SLC8A1: variants seen among roughly 807,000 people sequenced by gnomAD.
SLC8A1 encodes the protein sodium/calcium exchanger 1.
SLC8A1 carries 18 observed loss-of-function variants against 68.3 expected under a neutral mutation model. The ratio of observed to expected loss-of-function variants is 0.26; its 90% confidence interval spans 0.18 to 0.39. The LOEUF is 0.39. SLC8A1 is among the 10% of genes least tolerant of loss of function. The pLI is 1.00. For missense variants in SLC8A1, 985 were observed against 1,156.7 expected (o/e 0.85, Z 2.15); for synonymous variants, 475 against 415.5 (o/e 1.14, Z -1.74).
chr2:40,320,044 C>T (rs771331726), intron 2 of SLC8A1, among the ~76,000 whole-genome samples: 7 of 152,078 alleles, frequency 4.6e-5, no homozygotes, highest in Non-Finnish European at 1.0e-4. Context: ...AAGGGCACAA[C>T]AATTTAAGAG....
intron 2 of SLC8A1, among the ~76,000 whole-genome samples, chr2:40,308,917 G>A (rs1458341911): frequency 6.6e-6 from 1 of 152,206 alleles, no homozygotes; most frequent in Non-Finnish European, 1.5e-5. Context: ...CTGGGGAGGA[G>A]TGGAAGAAAT....
chr2:40,504,369 T>G (rs543399349), intron 1 of SLC8A1, among the ~76,000 whole-genome samples: 5 of 152,112 alleles, frequency 3.3e-5, no homozygotes, highest in Admixed American at 1.3e-4. Context: ...AAGAAAACCT[T>G]GAAGAACATC....
chr2:40,447,122 G>A (rs1701589168), intron 1 of SLC8A1, among the ~76,000 whole-genome samples: 1 of 152,066 alleles, frequency 6.6e-6, no homozygotes, highest in Non-Finnish European at 1.5e-5. Flanking sequence ...TTTACATCTA[G>A]TTTCCTAGAT....
intron 6 of SLC8A1, among the ~76,000 whole-genome samples, chr2:40,154,299 C>CTTTTTT (rs57350879): frequency 4.0e-5 from 3 of 74,934 alleles, no homozygotes; most frequent in East Asian, 9.0e-4. Flanking sequence ...TTTATTTATT[C>CTTTTTT]TTTTTTTTTT....
At chr2:40,396,247 C>T (rs1160103706) in intron 2 of SLC8A1, among the ~76,000 whole-genome samples, 2 of 152,028 alleles carry the variant, frequency 1.3e-5, no homozygotes, top group Non-Finnish European at 2.9e-5. Context: ...CCATTCTTCC[C>T]CTTTAAATCC....
chr2:40,170,915 A>G (rs1048784798), intron 4 of SLC8A1, among the ~76,000 whole-genome samples: 2 of 152,182 alleles, frequency 1.3e-5, no homozygotes, highest in Admixed American at 6.5e-5. Context: ...AGACAGGCAG[A>G]ATGTTATGTA....
intron 2 of SLC8A1, among the ~76,000 whole-genome samples, chr2:40,306,752 T>C (rs923586408): frequency 6.6e-5 from 10 of 152,158 alleles, no homozygotes; most frequent in Non-Finnish European, 1.5e-5. Context: ...TCAGCAGATC[T>C]GAAGTCAAGG....
At chr2:40,259,110 T>C (rs987338504) in intron 2 of SLC8A1, among the ~76,000 whole-genome samples, 1 of 152,160 alleles carries the variant, frequency 6.6e-6, no homozygotes, top group African/African-American at 2.4e-5. Flanking sequence ...ATAGGCAGTC[T>C]CCAACGTAGA....
intron 2 of SLC8A1, among the ~76,000 whole-genome samples, chr2:40,221,972 C>G (rs977114921): frequency 1.1e-4 from 16 of 152,076 alleles, no homozygotes; most frequent in Non-Finnish European, 2.2e-4. Flanking sequence ...TCAATGCTAT[C>G]CCCATCAAGC....
chr2:40,488,825 T>C (rs1261782325), intron 1 of SLC8A1, among the ~76,000 whole-genome samples: 1 of 152,122 alleles, frequency 6.6e-6, no homozygotes, highest in African/African-American at 2.4e-5. Flanking sequence ...AATATCTTTA[T>C]TGAAATAGTT....
intron 2 of SLC8A1, among the ~76,000 whole-genome samples, chr2:40,334,932 C>T (rs1401590359): frequency 6.6e-6 from 1 of 152,192 alleles, no homozygotes; most frequent in African/African-American, 2.4e-5. Context: ...CTACCACTGT[C>T]CTTGTCTTCC....
At chr2:40,363,476 T>G (rs1195604020) in intron 2 of SLC8A1, among the ~76,000 whole-genome samples, 1 of 152,028 alleles carries the variant, frequency 6.6e-6, no homozygotes, top group African/African-American at 2.4e-5. Flanking sequence ...TTGTGAAGAT[T>G]AGAGATGATC....
chr2:40,430,206 G>A (rs1297957975), exon 2 of SLC8A1: 1 of 1,613,650 alleles, frequency 6.2e-7, no homozygotes. Flanking sequence ...GGGAAAATAA[G>A]AGACTCACAG....
chr2:40,213,939 A>G (rs2057037585), intron 2 of SLC8A1, among the ~76,000 whole-genome samples: 1 of 152,188 alleles, frequency 6.6e-6, no homozygotes, highest in African/African-American at 2.4e-5. Context: ...CAGTAACCAC[A>G]CCACCTTTCA....
Position 40,184,763 on chromosome 2 carries a change from C to T in SLC8A1, c.1809-6908G>A, listed in dbSNP as rs373609518. Reference sequence around the variant, plus strand: ...AATCCCAGACTCCAGAAAGACCTGACCCAGGACTGACCACGCATGAACCTG... The same window carrying T: ...AATCCCAGACTCCAGAAAGACCTGATCCAGGACTGACCACGCATGAACCTG... On this transcript the variant is annotated intron_variant, in intron 2 of 7. Coordinates refer to ENST00000406785, the Ensembl canonical transcript of SLC8A1. Among the ~76,000 whole-genome samples, 4 of 152,084 alleles carry T rather than the reference C, an allele frequency of 2.6e-5. No homozygotes were observed. The South Asian group carries it at 6.2e-4, about 24-fold the overall frequency.
At chr2:40,288,001 T>C (rs2068622636) in intron 2 of SLC8A1, among the ~76,000 whole-genome samples, 1 of 152,074 alleles carries the variant, frequency 6.6e-6, no homozygotes, top group African/African-American at 2.4e-5. Flanking sequence ...TGAAAGCAGC[T>C]CCTGGTCCTT....
At chr2:40,357,509 A>AAAC (rs1559371681) in intron 2 of SLC8A1, among the ~76,000 whole-genome samples, 4 of 150,902 alleles carry the variant, frequency 2.7e-5, no homozygotes, top group African/African-American at 7.4e-5. Flanking sequence ...AAAAAAAAAA[A>AAAC]AAAAAAAACA....
chr2:40,353,651 C>A (rs966041632), intron 2 of SLC8A1, among the ~76,000 whole-genome samples: 1 of 152,170 alleles, frequency 6.6e-6, no homozygotes, highest in Non-Finnish European at 1.5e-5. Context: ...TAAGAGATAA[C>A]AAAAGAAATG....
At chr2:40,291,446 A>T (rs2069301556) in intron 2 of SLC8A1, among the ~76,000 whole-genome samples, 1 of 152,148 alleles carries the variant, frequency 6.6e-6, no homozygotes, top group Non-Finnish European at 1.5e-5. Flanking sequence ...AAAGTTTCCT[A>T]GGTTTCAAGC....
Sources: gnomAD v4.1 joint callset for allele counts (sites outside exome capture counted in the v4.1 genomes callset) on GRCh38, gnomAD v4.1.1 for gene constraint, MANE v1.5 for transcripts, NCBI Gene and HGNC (gene_info 2026-07-23, HGNC 2026-07-21) for gene names.